The following FAM171A1 variants were observed in gnomAD, a reference collection of about 807,000 sequenced individuals.
The protein encoded by FAM171A1 is family with sequence similarity 171 member A1.
FAM171A1 carries 23 observed loss-of-function variants against 74.9 expected under a neutral mutation model. The observed-to-expected ratio is 0.31, with a 90% CI of 0.22 to 0.44. The LOEUF is 0.44. FAM171A1 is among the 20% of genes least tolerant of loss of function. The pLI is 1.00. For missense variants in FAM171A1, 1,162 were observed against 1,159.2 expected (o/e 1.00, Z -0.03); for synonymous variants, 527 against 505.7 (o/e 1.04, Z -0.57).
chr10:15,250,946 G>A (rs1269773508), intron 4 of FAM171A1, among the ~76,000 whole-genome samples: 1 of 152,104 alleles, frequency 6.6e-6, no homozygotes, highest in East Asian at 1.9e-4. Context: ...CCTAGAAATG[G>A]TGTCTCCCTT....
chr10:15,260,594 G>C (rs1245040860), intron 3 of FAM171A1, among the ~76,000 whole-genome samples: 1 of 152,188 alleles, frequency 6.6e-6, no homozygotes, highest in African/African-American at 2.4e-5. Context: ...CAGGCGTTCT[G>C]TGAAATGCAT....
At chr10:15,249,975 A>G (rs1460730171) in intron 4 of FAM171A1, among the ~76,000 whole-genome samples, 1 of 152,254 alleles carries the variant, frequency 6.6e-6, no homozygotes, top group African/African-American at 2.4e-5. Context: ...GCATTAAAAT[A>G]CAATCTATAG....
chr10:15,270,438 T>A (rs1447869088), intron 3 of FAM171A1, among the ~76,000 whole-genome samples: 1 of 152,184 alleles, frequency 6.6e-6, no homozygotes, highest in African/African-American at 2.4e-5. Context: ...CTCTGTAGAC[T>A]CCACCTCTGG....
rs761631403 is a variant in FAM171A1 at position 15,214,229 on chromosome 10, C to T, written c.1359G>A (p.Leu453=). 5.8e-5 allele frequency: 94 copies of T among 1,614,074 alleles called. No individual in the cohort carries two copies. The highest frequency in any genetic ancestry group is 7.5e-5 in the Non-Finnish European group (88 of 1,180,050). The change falls in exon 8 of 8, where the codon CTG becomes CTA. Residue 453 remains leucine (L), a synonymous_variant. Coordinates refer to ENST00000378116, the MANE Select transcript of FAM171A1 (RefSeq NM_001010924.2). ...CCACTGACTTATGGTAGTCTTTCCC[C>T]AGCGTCCCACTTGGAGTGAGGTTAT... The part of the protein sequence containing the change: ...SFDNLTPSGT[L]GKDYHKSVEV...
intron 5 of FAM171A1, among the ~76,000 whole-genome samples, chr10:15,248,062 C>A (rs1171935912): frequency 6.6e-6 from 1 of 152,138 alleles, no homozygotes; most frequent in Non-Finnish European, 1.5e-5. Context: ...CCCCCAGAAA[C>A]TCTGAGATAC....
At chr10:15,287,433 G>C (rs2131813107) in intron 1 of FAM171A1, among the ~76,000 whole-genome samples, 1 of 149,248 alleles carries the variant, frequency 6.7e-6, no homozygotes, top group African/African-American at 2.5e-5. Flanking sequence ...CTGTCCCCAG[G>C]CTGGAGTGCA....
chr10:15,341,986 T>G (rs1362085222), intron 1 of FAM171A1, among the ~76,000 whole-genome samples: 2 of 152,160 alleles, frequency 1.3e-5, no homozygotes, highest in Admixed American at 1.3e-4. Context: ...ATCCCAGAGT[T>G]TATTACTGGA....
At chr10:15,266,642 G>A (rs1242604935) in intron 3 of FAM171A1, among the ~76,000 whole-genome samples, 1 of 152,068 alleles carries the variant, frequency 6.6e-6, no homozygotes, top group Non-Finnish European at 1.5e-5. Flanking sequence ...GAGGTGGGCG[G>A]ATCACTTGAG....
chr10:15,354,235 C>CTTG (rs965501976), intron 1 of FAM171A1, among the ~76,000 whole-genome samples: 1 of 152,122 alleles, frequency 6.6e-6, no homozygotes, highest in African/African-American at 2.4e-5. Flanking sequence ...GTGGCTCACA[C>CTTG]TTGTAATCCC....
intron 1 of FAM171A1, among the ~76,000 whole-genome samples, chr10:15,341,030 G>A (rs1445931583): frequency 1.3e-5 from 2 of 152,164 alleles, no homozygotes; most frequent in Non-Finnish European, 2.9e-5. Flanking sequence ...ATGCCAGTAC[G>A]TCTCAAGCTT....
intron 1 of FAM171A1, among the ~76,000 whole-genome samples, chr10:15,328,818 C>T (rs2131856134): frequency 6.6e-6 from 1 of 152,316 alleles, no homozygotes; most frequent in South Asian, 2.1e-4. Flanking sequence ...ATCCCCAGGG[C>T]ACCACCAGAT....
chr10:15,248,615 T>C lies in FAM171A1; in HGVS notation c.754+24A>G, dbSNP rs188982066. 1.9e-3 allele frequency: 3,044 copies of C among 1,567,166 alleles called. 20 individuals are homozygous for C. The highest frequency in any genetic ancestry group is 1.3e-3 in the Non-Finnish European group (1,456 of 1,155,342). On this transcript the variant is annotated intron_variant, in intron 5 of 7. Transcript: ENST00000378116. ...GTAACGAAGCCATCTGGTAGCCGATTGTCGGCACAGAACTCTTGCTTACCC... is the reference window on the plus strand; with the variant it reads ...GTAACGAAGCCATCTGGTAGCCGATCGTCGGCACAGAACTCTTGCTTACCC...
At chr10:15,251,523 C>A (rs1834508188) in intron 4 of FAM171A1, among the ~76,000 whole-genome samples, 1 of 151,940 alleles carries the variant, frequency 6.6e-6, no homozygotes, top group Admixed American at 6.6e-5. Context: ...CTGCCTCAGC[C>A]TCCTGAGTAG....
chr10:15,217,160 T>G (rs1291588822), intron 6 of FAM171A1, among the ~76,000 whole-genome samples: 2 of 152,174 alleles, frequency 1.3e-5, no homozygotes, highest in African/African-American at 4.8e-5. Flanking sequence ...TCCCAAGAGG[T>G]AGCTTAACTC....
At chr10:15,339,146 T>G (rs922138675) in intron 1 of FAM171A1, among the ~76,000 whole-genome samples, 1 of 152,322 alleles carries the variant, frequency 6.6e-6, no homozygotes, top group South Asian at 2.1e-4. Flanking sequence ...TTTAATAAAC[T>G]TTCAAATATA....
intron 3 of FAM171A1, among the ~76,000 whole-genome samples, chr10:15,263,313 A>G (rs1172279009): frequency 1.3e-5 from 2 of 152,100 alleles, no homozygotes; most frequent in African/African-American, 2.4e-5. Flanking sequence ...CTCCCCATTC[A>G]TCCCTTACCA....
intron 3 of FAM171A1, among the ~76,000 whole-genome samples, chr10:15,263,487 G>C (rs886468636): frequency 6.6e-6 from 1 of 152,324 alleles, no homozygotes; most frequent in East Asian, 1.9e-4. Flanking sequence ...TCACAGACAA[G>C]TTTGGAAACA....
intron 1 of FAM171A1, among the ~76,000 whole-genome samples, chr10:15,365,967 G>C (rs1564292676): frequency 6.6e-6 from 1 of 152,272 alleles, no homozygotes; most frequent in East Asian, 1.9e-4. Flanking sequence ...AAAATGGTTA[G>C]TTGCCTCAAA....
chr10:15,344,751 G>A (rs1795719072), intron 1 of FAM171A1, among the ~76,000 whole-genome samples: 1 of 152,140 alleles, frequency 6.6e-6, no homozygotes, highest in Non-Finnish European at 1.5e-5. Flanking sequence ...TAGCTATGTT[G>A]TCCTGTGTTT....
Sources: allele counts gnomAD v4.1 joint callset (sites outside exome capture counted in the v4.1 genomes callset), GRCh38; gene constraint gnomAD v4.1.1; transcripts MANE v1.5; gene names NCBI Gene and HGNC (gene_info 2026-07-23, HGNC 2026-07-21).